The following PTCHD1 variants were observed in gnomAD, a reference collection of about 807,000 sequenced individuals.
The protein encoded by PTCHD1 is patched domain-containing protein 1.
A neutral mutation model predicts 34.6 loss-of-function variants in PTCHD1; 3 were observed. That is an observed-to-expected ratio of 0.09 (90% CI 0.04 to 0.22). PTCHD1 has a LOEUF of 0.22. Ranked by LOEUF, PTCHD1 falls within the 10% of genes least tolerant of loss-of-function variation. The pLI is 1.00. For synonymous variants in PTCHD1, 305 were observed against 283.1 expected (o/e 1.08, Z -0.77); for missense variants, 504 against 685.5 (o/e 0.74, Z 2.96).
chrX:23,393,108 C>T lies in PTCHD1; in HGVS notation c.1590C>T (p.Asn530=). ...LQVSEGSDLS[N]IVATATQTIE... The stretch of plus-strand genomic sequence containing the variant: ...TCAGTGAAGGGTCAGACCTTAGTAA[C>T]ATTGTAGCAACCGCGACACAAACCA... Residue 530 remains asparagine (N), a synonymous_variant, in exon 3 of 3, where the codon AAC becomes AAT. Transcript: ENST00000379361. The T allele has an allele frequency of 3.3e-6, 4 of 1,210,755 alleles. No individual in the cohort carries two copies. Among genetic ancestry groups the T allele is most frequent in the Non-Finnish European group, 3.4e-6 (3 of 894,542 alleles).
At chrX:23,363,732 C>T (rs928086667) in intron 1 of PTCHD1, among the ~76,000 whole-genome samples, 2 of 112,637 alleles carry the variant, frequency 1.8e-5, no homozygotes, top group African/African-American at 3.2e-5. Context: ...CTGTCTTCTA[C>T]GTCGATCACG....
intron 1 of PTCHD1, among the ~76,000 whole-genome samples, chrX:23,362,252 C>G (rs1922007768): frequency 8.9e-6 from 1 of 112,268 alleles, no homozygotes; most frequent in Non-Finnish European, 1.9e-5. Context: ...TGTTTTCCAA[C>G]TTGGTTCCAT....
Position 23,396,038 on chromosome X carries a change from G to A in PTCHD1, c.*1853G>A, listed in dbSNP as rs1922981687. 8.9e-6 allele frequency: 1 copy of A among 112,062 alleles called. No homozygotes were observed. The highest frequency in any genetic ancestry group is 1.9e-5 in the Non-Finnish European group (1 of 53,163). 9.2% of individuals were successfully genotyped at this position (112,062 alleles called of 1,213,427 possible). ...CAAAGTAGGAACATAGGACTTCGTT[G>A]GCCACAGGGCAGACATTTTTTTAGT... On this transcript the variant is annotated 3_prime_UTR_variant, in exon 3 of 3. Coordinates refer to ENST00000379361, the MANE Select transcript of PTCHD1 (RefSeq NM_173495.3).
In PTCHD1 at chrX:23,403,701, G is replaced by C. The variant is rs1923174512; in HGVS notation, c.*9516G>C. 1 of 111,482 alleles carries C rather than the reference G, an allele frequency of 9.0e-6. No individual in the cohort carries two copies. The highest frequency in any genetic ancestry group is 1.9e-5 in the Non-Finnish European group (1 of 53,105). 9.2% of individuals were successfully genotyped at this position (111,482 alleles called of 1,213,427 possible). ...TATTTGCAGTATCTACAGGGGAATG[G>C]TTCGTGGATATAAACAGAAATGTTT... On this transcript the variant is annotated 3_prime_UTR_variant, in exon 3 of 3. Transcript: ENST00000379361.
rs187691526 is a variant in PTCHD1, at chrX:23,348,731, T to C, written c.351+13505T>C. On this transcript the variant is annotated intron_variant, in intron 1 of 2. Coordinates refer to ENST00000379361, the MANE Select transcript of PTCHD1 (RefSeq NM_173495.3). Reference sequence around the variant, plus strand: ...CAAAGTGAAGGAGATATAAAGACTTTCTCAGACAGAAACTGAATGAGTTCA... The same window carrying C: ...CAAAGTGAAGGAGATATAAAGACTTCCTCAGACAGAAACTGAATGAGTTCA... Among the ~76,000 whole-genome samples the C allele has an allele frequency of 1.2e-4, 13 of 111,731 alleles. No individual in the cohort carries two copies. In the East Asian group the frequency reaches 3.6e-3, roughly 31 times the overall value.
chrX:23,352,803 T>A (rs1233953372), intron 1 of PTCHD1, among the ~76,000 whole-genome samples: 2 of 112,266 alleles, frequency 1.8e-5, no homozygotes, highest in Non-Finnish European at 3.8e-5. Flanking sequence ...GCAGCGTCAG[T>A]AGCACTGGCA....
At chrX:23,386,464 C>T (rs1398236124) in intron 2 of PTCHD1, among the ~76,000 whole-genome samples, 2 of 112,044 alleles carry the variant, frequency 1.8e-5, no homozygotes, top group African/African-American at 6.5e-5. Context: ...TGAGACAAAA[C>T]AGGCTGCAAT....
chrX:23,367,137 G>GAACA (rs2049187967), intron 1 of PTCHD1, among the ~76,000 whole-genome samples: 2 of 112,297 alleles, frequency 1.8e-5, no homozygotes, highest in Non-Finnish European at 3.8e-5. Context: ...TGAAGATAAA[G>GAACA]TTATGTCTTA....
chrX:23,360,945 G>A (rs1193793125), intron 1 of PTCHD1, among the ~76,000 whole-genome samples: 1 of 112,093 alleles, frequency 8.9e-6, no homozygotes, highest in Non-Finnish European at 1.9e-5. Context: ...CAGTTTCCCT[G>A]TAGTTGCGTG....
chrX:23,380,860 G>A (rs535866961), intron 2 of PTCHD1, among the ~76,000 whole-genome samples: 1 of 111,170 alleles, frequency 9.0e-6, no homozygotes, highest in African/African-American at 3.3e-5. Context: ...CTGCTCCCCA[G>A]GCCAGTTAAC....
rs766889434 is a variant in PTCHD1 at position 23,403,153 on chromosome X, A to G, written c.*8968A>G. On this transcript the variant is annotated 3_prime_UTR_variant, in exon 3 of 3. Coordinates refer to ENST00000379361, the MANE Select transcript of PTCHD1 (RefSeq NM_173495.3). ...TTTTAAGTTGCTTCCATGGCAATAG[A>G]TCGTAAGACCACAGCTTGTCAAAGT... 4 of 112,225 alleles carry G rather than the reference A, an allele frequency of 3.6e-5. No individual in the cohort carries two copies. The allele number at this position is 112,225 out of a possible 1,213,427, so 9.2% of individuals were successfully genotyped here.
chrX:23,357,191 G>A (rs777876969), intron 1 of PTCHD1, among the ~76,000 whole-genome samples: 2 of 111,704 alleles, frequency 1.8e-5, no homozygotes, highest in Non-Finnish European at 3.8e-5. Flanking sequence ...AGAACAGTAA[G>A]GAAAAGACAA....
chrX:23,337,970 C>T (rs994010606), intron 1 of PTCHD1, among the ~76,000 whole-genome samples: 8 of 111,659 alleles, frequency 7.2e-5, no homozygotes, highest in African/African-American at 2.6e-4. Flanking sequence ...AACGAAAAGC[C>T]AGGTTGACGT....
chrX:23,391,284 A>T (rs1225582821), intron 2 of PTCHD1, among the ~76,000 whole-genome samples: 1 of 111,610 alleles, frequency 9.0e-6, no homozygotes, highest in Non-Finnish European at 1.9e-5. Context: ...TGCCACTATC[A>T]AATAGCGCGG....
rs1467984927 is a variant in PTCHD1, at chrX:23,379,997, C to T, written c.758C>T (p.Thr253Met). Residue 253 changes from threonine (T) to methionine (M), a missense_variant, in exon 2 of 3, where the codon ACG becomes ATG. Transcript: ENST00000379361. Reference sequence around the variant, plus strand: ...AGCAAAGTCAAAATGTACCCTTACACGTCCTCCTCACTGAGGGAAGATTTC... The same window carrying T: ...AGCAAAGTCAAAATGTACCCTTACATGTCCTCCTCACTGAGGGAAGATTTC... ...SNSKVKMYPYTSSSLREDFQK... is the reference protein window; with the variant it reads ...SNSKVKMYPYMSSSLREDFQK... The T allele has an allele frequency of 2.5e-6, 3 of 1,211,924 alleles. No homozygotes were observed. The highest frequency in any genetic ancestry group is 2.2e-5 in the Admixed American group (1 of 46,070).
At chrX:23,372,370 G>C (rs768502084) in intron 1 of PTCHD1, among the ~76,000 whole-genome samples, 18 of 111,021 alleles carry the variant, frequency 1.6e-4, no homozygotes, top group Admixed American at 2.9e-4. Flanking sequence ...GGTCAGCAAG[G>C]AGAATGTTTC....
chrX:23,348,131 T>C (rs781501437), intron 1 of PTCHD1, among the ~76,000 whole-genome samples: 8 of 111,553 alleles, frequency 7.2e-5, no homozygotes, highest in Non-Finnish European at 1.3e-4. Context: ...AAGGAAATGC[T>C]AGAGATAAAC....
Position 23,335,082 on chromosome X carries a change from C to T in PTCHD1, c.207C>T (p.Leu69=). 2 of 1,211,185 alleles carry T rather than the reference C, an allele frequency of 1.7e-6. No homozygotes were observed. The highest frequency in any genetic ancestry group is 2.2e-6 in the Non-Finnish European group (2 of 895,033). The part of the protein sequence containing the change: ...QHSLAKIERN[L]VNSLFPVNRS... ...GCCTGGCCAAGATCGAGCGCAACCT[C>T]GTTAACAGCCTCTTCCCGGTCAACC... Residue 69 remains leucine, a synonymous_variant, in exon 1 of 3, where the codon CTC becomes CTT. Coordinates refer to ENST00000379361, the MANE Select transcript of PTCHD1 (RefSeq NM_173495.3).
rs901476330 is a variant in PTCHD1 at position 23,397,408 on chromosome X, T to C, written c.*3223T>C. On this transcript the variant is annotated 3_prime_UTR_variant, in exon 3 of 3. Coordinates refer to ENST00000379361, the MANE Select transcript of PTCHD1 (RefSeq NM_173495.3). ...CTCCTCAGGTTAAAAGAAGTACAGT[T>C]TGTTTCAGAGAAAAAGGAAGACAAA... 2.7e-5 allele frequency: 3 copies of C among 112,274 alleles called. No individual in the cohort carries two copies. The allele number at this position is 112,274 out of a possible 1,213,427, so 9.3% of individuals were successfully genotyped here.
Sources: gnomAD v4.1 joint callset for allele counts (sites outside exome capture counted in the v4.1 genomes callset) on GRCh38, gnomAD v4.1.1 for gene constraint, MANE v1.5 for transcripts, NCBI Gene and HGNC (gene_info 2026-07-23, HGNC 2026-07-21) for gene names.